The following SIRPD variants were observed in gnomAD, a reference collection of about 807,000 sequenced individuals.
SIRPD encodes signal regulatory protein delta.
In SIRPD, 21 loss-of-function variants were observed where a neutral mutation model predicts 18.0. That is an observed-to-expected ratio of 1.17 (90% CI 0.83 to 1.68). SIRPD has a LOEUF of 1.68. Among genes scored for constraint, SIRPD ranks in the 40% most tolerant of loss-of-function variants. The probability of loss-of-function intolerance (pLI) is 0.00; values close to 1 mark genes in which losing one functional copy is unlikely to be tolerated. For synonymous variants in SIRPD, 106 were observed against 92.9 expected, an observed-to-expected ratio of 1.14 and a Z score of -0.81; for missense variants, 295 against 238.4, an observed-to-expected ratio of 1.24 and a Z score of -1.56.
rs57420503 is a variant in SIRPD, at chr20:1,549,450, C to T, written c.421+2241G>A. ...ATGTCTCACTTTTTTTGAAACTGGA[C>T]ATCTTAGATAATACATTGTAGAAAC... On this transcript the variant is annotated intron_variant, in intron 2 of 3. Transcript: ENST00000381623. Among the ~76,000 whole-genome samples the T allele has an allele frequency of 9.0e-3, 1,362 of 151,432 alleles. 22 individuals are homozygous for T. The highest frequency in any genetic ancestry group is 0.032 in the African/African-American group (1,328 of 41,232).
At chr20:1,536,128 G>T (rs1407830688) in intron 3 of SIRPD, among the ~76,000 whole-genome samples, 6 of 152,196 alleles carry the variant, frequency 3.9e-5, no homozygotes, top group African/African-American at 1.2e-4. Flanking sequence ...GGATGCAGCA[G>T]GACTATTTTC....
chr20:1,537,665 C>T (rs1346198609), intron 2 of SIRPD, among the ~76,000 whole-genome samples: 1 of 152,028 alleles, frequency 6.6e-6, no homozygotes, highest in East Asian at 1.9e-4. Flanking sequence ...AGGAGGAGGG[C>T]TCCCGGGAAT....
At chr20:1,545,905 A>G (rs1438831458) in intron 2 of SIRPD, among the ~76,000 whole-genome samples, 1 of 152,124 alleles carries the variant, frequency 6.6e-6, no homozygotes, top group Non-Finnish European at 1.5e-5. Context: ...AGTTTGCTGG[A>G]GGTCCACTCC....
In SIRPD at chr20:1,551,741, C is replaced by G. The variant is rs780993152; in HGVS notation, c.371G>C (p.Arg124Thr). 3.7e-6 allele frequency: 6 copies of G among 1,614,062 alleles called. No homozygotes were observed. Among genetic ancestry groups the G allele is most frequent in the Non-Finnish European group, 5.1e-6 (6 of 1,179,958 alleles). ...TYYCVKFIKG[R>T]AIKEYQSGRG... Reference sequence around the variant, plus strand: ...ACCTGATTGGTACTCCTTGATAGCTCTTCCTTTTATGAACTTCACGCAGTA... The same window carrying G: ...ACCTGATTGGTACTCCTTGATAGCTGTTCCTTTTATGAACTTCACGCAGTA... The change falls in exon 2 of 4, where the codon AGA becomes ACA. Residue 124 changes from arginine to threonine, a missense_variant. By Grantham distance (71) the Arg-to-Thr change is moderately conservative. Coordinates refer to ENST00000381623, the MANE Select transcript of SIRPD (RefSeq NM_178460.3).
At position 1,556,254 on chromosome 20, in the gene SIRPD, C is replaced by T. The variant is rs371500739; in HGVS notation, c.73+1327G>A. Among the ~76,000 whole-genome samples the T allele has an allele frequency of 5.9e-5, 9 of 151,970 alleles. No individual in the cohort carries two copies. The South Asian group carries it at 1.9e-3, about 31-fold the overall frequency. ...GAGTCACCTTACAGTCTGTGTACCT[C>T]ACCCAATAAGTACAGTTAAAAATTC... On this transcript the variant is annotated intron_variant, in intron 1 of 3. Coordinates refer to ENST00000381623, the MANE Select transcript of SIRPD (RefSeq NM_178460.3).
At chr20:1,537,103 A>C (rs2090949029) in intron 3 of SIRPD, 52 bp downstream of exon 3, 1 of 1,584,914 alleles carries the variant, frequency 6.3e-7, no homozygotes, top group Non-Finnish European at 8.6e-7. Flanking sequence ...TACCGCCGCC[A>C]AACTCAGGAG....
chr20:1,553,277 G>A (rs1325143515), intron 1 of SIRPD, among the ~76,000 whole-genome samples: 2 of 152,210 alleles, frequency 1.3e-5, no homozygotes, highest in Non-Finnish European at 2.9e-5. Context: ...TGGGGAATGG[G>A]AGTGTGATCT....
chr20:1,535,203 C>G (rs2090940186), intron 3 of SIRPD, among the ~76,000 whole-genome samples: 2 of 152,130 alleles, frequency 1.3e-5, no homozygotes, highest in African/African-American at 4.8e-5. Flanking sequence ...AACAAATAAA[C>G]CACCATATTT....
intron 1 of SIRPD, among the ~76,000 whole-genome samples, chr20:1,554,528 C>T (rs1269366033): frequency 1.3e-5 from 2 of 151,888 alleles, no homozygotes; most frequent in Admixed American, 6.6e-5. Flanking sequence ...TGAGGATGGC[C>T]TGCAATATAT....
chr20:1,541,673 T>C (rs1166594580), intron 2 of SIRPD, among the ~76,000 whole-genome samples: 2 of 152,244 alleles, frequency 1.3e-5, no homozygotes, highest in Admixed American at 6.5e-5. Context: ...TTGGCATTTG[T>C]TGCAATTGCT....
In SIRPD at chr20:1,545,309, A is replaced by G. The variant is rs117521857; in HGVS notation, c.421+6382T>C. ...CCCATATTTCTTGGAGGGTTTGTTC[A>G]TTCTTTTTCACTCTTTTTTCTCTAA... On this transcript the variant is annotated intron_variant, in intron 2 of 3. Transcript: ENST00000381623. Among the ~76,000 whole-genome samples the G allele has an allele frequency of 9.6e-3, 1,456 of 152,220 alleles. 145 individuals are homozygous for G. In the East Asian group the frequency reaches 0.24, roughly 25 times the overall value.
intron 1 of SIRPD, among the ~76,000 whole-genome samples, chr20:1,553,179 A>G (rs6042937): frequency 0.056 from 8,528 of 152,284 alleles, 276 homozygotes; most frequent in Non-Finnish European, 0.075. Flanking sequence ...GGAGAGATTG[A>G]TACACAAGAC....
intron 2 of SIRPD, chr20:1,540,381 CCATA>C (rs1568666386): frequency 8.8e-6 from 4 of 453,616 alleles, no homozygotes; most frequent in Non-Finnish European, 1.8e-5. Flanking sequence ...ACTTCATACA[CCATA>C]CAATTTACAC....
In SIRPD at chr20:1,552,027, CAT is replaced by C. The variant is rs752383120; in HGVS notation, c.83_84del (p.His28ArgfsTer54). The C allele has an allele frequency of 1.1e-5, 18 of 1,612,086 alleles. No individual in the cohort carries two copies. In the East Asian group the frequency reaches 2.7e-4, roughly 24 times the overall value. On this transcript the variant is annotated frameshift_variant, in exon 2 of 4. Coordinates refer to ENST00000381623, the MANE Select transcript of SIRPD (RefSeq NM_178460.3). LOFTEE classifies it high-confidence loss of function. ...ATCTCCGTTTGTTGCACATGGAACA[CAT>C]GTGTGACTCCTGGAAAAAAGCTGAA... Reference protein sequence around the residue: ...YLLLELAGVTHVFHVQQTEMS... With the variant: ...YLLLELAGVTXVFHVQQTEMS...
Position 1,548,042 on chromosome 20 carries a change from C to T in SIRPD, c.421+3649G>A, listed in dbSNP as rs367816220. Reference sequence around the variant, plus strand: ...CCATTTGTCAATAGAGATAGTTTTACTTCATTCTTTCCAATTTGGATTGTT... The same window carrying T: ...CCATTTGTCAATAGAGATAGTTTTATTTCATTCTTTCCAATTTGGATTGTT... On this transcript the variant is annotated intron_variant, in intron 2 of 3. Transcript: ENST00000381623. Among the ~76,000 whole-genome samples the T allele has an allele frequency of 4.6e-5, 7 of 152,210 alleles. No individual in the cohort carries two copies. The East Asian group carries it at 7.7e-4, about 17-fold the overall frequency.
rs73569192 is a variant in SIRPD at position 1,554,660 on chromosome 20, A to G, written c.74-2622T>C. On this transcript the variant is annotated intron_variant, in intron 1 of 3. Coordinates refer to ENST00000381623, the MANE Select transcript of SIRPD (RefSeq NM_178460.3). ...TCTCAAAATCAGGGATACTGCCCCA[A>G]GCTAAGGACAGTATGTTGATAACCA... is the stretch of plus-strand genomic sequence containing the variant. Among the ~76,000 whole-genome samples the G allele has an allele frequency of 9.1e-3, 1,388 of 152,268 alleles. 22 individuals are homozygous for G. Among genetic ancestry groups the G allele is most frequent in the African/African-American group, 0.033 (1,354 of 41,564 alleles).
chr20:1,546,247 C>T (rs1014488122), intron 2 of SIRPD, among the ~76,000 whole-genome samples: 1 of 152,170 alleles, frequency 6.6e-6, no homozygotes, highest in Admixed American at 6.5e-5. Flanking sequence ...GTGCTCTGTC[C>T]CAGGGAGATG....
At chr20:1,555,881 C>G (rs2091038473) in intron 1 of SIRPD, among the ~76,000 whole-genome samples, 1 of 152,218 alleles carries the variant, frequency 6.6e-6, no homozygotes, top group South Asian at 2.1e-4. Context: ...CCAAGCTCCA[C>G]TCAAGGTGCC....
Position 1,557,675 on chromosome 20 carries a change from C to T in SIRPD, c.-22G>A, listed in dbSNP as rs1179887455. 3.1e-6 allele frequency: 5 copies of T among 1,610,196 alleles called. No homozygotes were observed. The highest frequency in any genetic ancestry group is 1.3e-5 in the African/African-American group (1 of 74,854). The stretch of plus-strand genomic sequence containing the variant: ...GCATTGTGGTGAAACCTGGAGCTTG[C>T]TCTGCCTGAATGCCTGTCCTGGAGA... On this transcript the variant is annotated 5_prime_UTR_variant, in exon 1 of 4. Coordinates refer to ENST00000381623, the MANE Select transcript of SIRPD (RefSeq NM_178460.3).
Sources: gnomAD v4.1 joint callset for allele counts (sites outside exome capture counted in the v4.1 genomes callset) on GRCh38, gnomAD v4.1.1 for gene constraint, MANE v1.5 for transcripts, NCBI Gene and HGNC (gene_info 2026-07-23, HGNC 2026-07-21) for gene names.